The following RBFOX1 variants were observed in gnomAD, a reference collection of about 807,000 sequenced individuals.
RBFOX1 encodes the protein RNA binding protein fox-1 homolog 1.
In RBFOX1, 8 loss-of-function variants were observed where a neutral mutation model predicts 57.7. The observed-to-expected ratio is 0.14, with a 90% CI of 0.08 to 0.25. RBFOX1 has a LOEUF of 0.25. Ranked by LOEUF, RBFOX1 falls within the 10% of genes least tolerant of loss-of-function variation. The pLI, the probability that RBFOX1 is intolerant of heterozygous loss-of-function variation, is 1.00. For missense variants in RBFOX1, 611 were observed against 548.5 expected (o/e 1.11, Z -1.14); for synonymous variants, 326 against 222.4 (o/e 1.47, Z -4.15).
chr16:5,624,851 G>C (rs2048303083), intron 3 of RBFOX1, among the ~76,000 whole-genome samples: 1 of 152,214 alleles, frequency 6.6e-6, no homozygotes, highest in Non-Finnish European at 1.5e-5. Flanking sequence ...AAAGCTGCTT[G>C]CTGAATGGCT....
At chr16:5,689,174 A>C (rs2050593808) in intron 3 of RBFOX1, among the ~76,000 whole-genome samples, 1 of 152,180 alleles carries the variant, frequency 6.6e-6, no homozygotes, top group Admixed American at 6.5e-5. Context: ...AATTGTGGGG[A>C]GGGCAGCCAC....
chr16:7,186,275 TAAAC>T (rs554583304), intron 4 of RBFOX1, among the ~76,000 whole-genome samples: 1 of 125,096 alleles, frequency 8.0e-6, no homozygotes, highest in East Asian at 2.3e-4. Flanking sequence ...AACATAAACA[TAAAC>T]ATATTTATAT....
At chr16:6,158,565 A>C (rs1323721196) in intron 1 of RBFOX1, among the ~76,000 whole-genome samples, 1 of 152,184 alleles carries the variant, frequency 6.6e-6, no homozygotes, top group Non-Finnish European at 1.5e-5. Context: ...TGTTCTAGCA[A>C]ATGGAGTGGT....
intron 3 of RBFOX1, among the ~76,000 whole-genome samples, chr16:6,845,267 A>G (rs2093695167): frequency 6.6e-6 from 1 of 151,730 alleles, no homozygotes; most frequent in Non-Finnish European, 1.5e-5. Flanking sequence ...TGTGTCCTGA[A>G]TGGTATTGCC....
chr16:6,580,209 A>C (rs1199815110), intron 2 of RBFOX1, among the ~76,000 whole-genome samples: 1 of 152,080 alleles, frequency 6.6e-6, no homozygotes, highest in Non-Finnish European at 1.5e-5. Flanking sequence ...TGCCCTCCTC[A>C]GCCTCCCAAA....
chr16:5,763,660 G>C (rs2053667186), intron 3 of RBFOX1, among the ~76,000 whole-genome samples: 1 of 152,234 alleles, frequency 6.6e-6, no homozygotes, highest in Admixed American at 6.5e-5. Flanking sequence ...CACTCCGAGG[G>C]AATATTTTGA....
intron 4 of RBFOX1, among the ~76,000 whole-genome samples, chr16:7,200,367 G>T (rs547720097): frequency 6.6e-6 from 1 of 152,324 alleles, no homozygotes; most frequent in South Asian, 2.1e-4. Context: ...CAGGAAGCAC[G>T]CATGTGCATC....
intron 3 of RBFOX1, among the ~76,000 whole-genome samples, chr16:7,049,011 T>G (rs2049017156): frequency 6.6e-6 from 1 of 152,174 alleles, no homozygotes; most frequent in African/African-American, 2.4e-5. Flanking sequence ...ATTCCTTAGT[T>G]CAATTCTCAA....
intron 2 of RBFOX1, among the ~76,000 whole-genome samples, chr16:6,500,352 G>T (rs921676747): frequency 6.6e-6 from 1 of 152,062 alleles, no homozygotes; most frequent in Non-Finnish European, 1.5e-5. Flanking sequence ...ATGCACGTGT[G>T]CACATACACA....
At chr16:7,240,010 A>C (rs1404656716) in intron 4 of RBFOX1, among the ~76,000 whole-genome samples, 1 of 152,212 alleles carries the variant, frequency 6.6e-6, no homozygotes, top group Non-Finnish European at 1.5e-5. Flanking sequence ...TCTGTCGCCC[A>C]GGCTGGAGTG....
intron 4 of RBFOX1, among the ~76,000 whole-genome samples, chr16:7,218,077 G>A (rs552947391): frequency 5.7e-4 from 65 of 113,472 alleles, no homozygotes; most frequent in Admixed American, 9.9e-4. Flanking sequence ...GTGTGTGTGC[G>A]TCTGTGTGTG....
At chr16:6,254,322 C>G (rs116666799) in intron 1 of RBFOX1, among the ~76,000 whole-genome samples, 4,256 of 152,186 alleles carry the variant, frequency 0.028, 141 homozygotes, top group African/African-American at 0.079. Context: ...ATATAAATAT[C>G]TATCTACATA....
chr16:5,602,397 G>A (rs2047395419), downstream of RBFOX1, among the ~76,000 whole-genome samples: 1 of 152,156 alleles, frequency 6.6e-6, no homozygotes, highest in South Asian at 2.1e-4. Flanking sequence ...TTAAAAAGAT[G>A]TACCCTCAAT....
chr16:6,416,019 C>T (rs1458881580), intron 2 of RBFOX1, among the ~76,000 whole-genome samples: 1 of 152,194 alleles, frequency 6.6e-6, no homozygotes, highest in African/African-American at 2.4e-5. Flanking sequence ...ACTGTTGCTG[C>T]TGTTTCTGAG....
intron 2 of RBFOX1, among the ~76,000 whole-genome samples, chr16:6,585,033 C>G (rs1362873889): frequency 6.6e-6 from 1 of 152,130 alleles, no homozygotes; most frequent in African/African-American, 2.4e-5. Flanking sequence ...AGAACCTGGT[C>G]AAGGCTTTGT....
intron 2 of RBFOX1, among the ~76,000 whole-genome samples, chr16:6,597,994 C>G (rs1009106874): frequency 6.6e-6 from 1 of 152,176 alleles, no homozygotes; most frequent in Middle Eastern, 3.2e-3. Flanking sequence ...AAGTCCAGGG[C>G]TGCCTTTTAT....
intron 3 of RBFOX1, among the ~76,000 whole-genome samples, chr16:5,817,187 T>C (rs370975251): frequency 2.6e-5 from 4 of 152,308 alleles, no homozygotes; most frequent in African/African-American, 9.6e-5. Flanking sequence ...TCTGTGTGTG[T>C]GTGTTTGTGT....
intron 3 of RBFOX1, among the ~76,000 whole-genome samples, chr16:6,749,120 G>A (rs1036160591): frequency 1.3e-5 from 2 of 152,168 alleles, no homozygotes; most frequent in Admixed American, 6.5e-5. Context: ...CATTCACTGA[G>A]CAACTACTAG....
chr16:7,699,491 C>T (rs1201576644), intron 14 of RBFOX1, among the ~76,000 whole-genome samples: 1 of 152,166 alleles, frequency 6.6e-6, no homozygotes, highest in East Asian at 1.9e-4. Flanking sequence ...CCACACCCAG[C>T]CAACGTTTTT....
Sources: gnomAD v4.1 joint callset for allele counts (sites outside exome capture counted in the v4.1 genomes callset) on GRCh38, gnomAD v4.1.1 for gene constraint, MANE v1.5 for transcripts, NCBI Gene and HGNC (gene_info 2026-07-23, HGNC 2026-07-21) for gene names.